Variants in KCND2 observed in about 807,000 individuals in gnomAD.
The protein encoded by KCND2 is A-type voltage-gated potassium channel KCND2.
KCND2 carries 16 observed loss-of-function variants against 54.4 expected under a neutral mutation model. That is an observed-to-expected ratio of 0.29 (90% CI 0.20 to 0.45). The LOEUF is 0.45. Among genes scored for constraint, KCND2 ranks in the 20% least tolerant of loss-of-function variants. The probability of loss-of-function intolerance (pLI) is 1.00; values close to 1 mark genes in which losing one functional copy is unlikely to be tolerated. For synonymous variants in KCND2, 317 were observed against 310.7 expected (o/e 1.02, Z -0.21); for missense variants, 486 against 824.2 (o/e 0.59, Z 5.02).
At chr7:120,552,038 A>T (rs918047205) in intron 1 of KCND2, among the ~76,000 whole-genome samples, 2 of 152,212 alleles carry the variant, frequency 1.3e-5, no homozygotes, top group African/African-American at 2.4e-5. Context: ...GGGAAATCAA[A>T]TGAATATATC....
intron 1 of KCND2, among the ~76,000 whole-genome samples, chr7:120,583,789 G>C (rs530362161): frequency 4.6e-4 from 68 of 149,436 alleles, no homozygotes; most frequent in East Asian, 3.1e-3. Context: ...AATTGTGGGG[G>C]GGGGGACAAA....
intron 1 of KCND2, among the ~76,000 whole-genome samples, chr7:120,584,279 C>G (rs973332792): frequency 6.6e-6 from 1 of 152,158 alleles, no homozygotes; most frequent in East Asian, 1.9e-4. Context: ...TGTCCCTAGG[C>G]CTGGGTCATT....
chr7:120,735,331 T>C (rs560427632), intron 2 of KCND2, among the ~76,000 whole-genome samples: 1 of 152,152 alleles, frequency 6.6e-6, no homozygotes, highest in South Asian at 2.1e-4. Flanking sequence ...ACGCTGCCCA[T>C]ACAGTACAGT....
At chr7:120,398,741 G>A (rs1408854496) in intron 1 of KCND2, among the ~76,000 whole-genome samples, 3 of 152,078 alleles carry the variant, frequency 2.0e-5, no homozygotes, top group African/African-American at 7.2e-5. Context: ...TTGCTAAGAA[G>A]TTCAGTAATT....
At chr7:120,337,179 G>A (rs1294171843) in intron 1 of KCND2, among the ~76,000 whole-genome samples, 4 of 151,856 alleles carry the variant, frequency 2.6e-5, no homozygotes, top group Admixed American at 2.6e-4. Flanking sequence ...GAAACAAGAG[G>A]AACTGGATAA....
intron 1 of KCND2, among the ~76,000 whole-genome samples, chr7:120,603,021 T>C (rs1792834111): frequency 6.6e-6 from 1 of 152,204 alleles, no homozygotes; most frequent in South Asian, 2.1e-4. Context: ...AAAAATATTA[T>C]GTAGCCAACT....
chr7:120,354,030 T>C (rs1393181908), intron 1 of KCND2, among the ~76,000 whole-genome samples: 1 of 152,192 alleles, frequency 6.6e-6, no homozygotes, highest in Non-Finnish European at 1.5e-5. Context: ...GAAATATACG[T>C]AGAGTACTTC....
intron 1 of KCND2, among the ~76,000 whole-genome samples, chr7:120,371,924 A>G (rs1275799087): frequency 1.3e-5 from 2 of 152,050 alleles, no homozygotes; most frequent in East Asian, 1.9e-4. Flanking sequence ...CTCAGAACGT[A>G]TCCCTGGTGT....
intron 1 of KCND2, among the ~76,000 whole-genome samples, chr7:120,621,020 A>C (rs972870380): frequency 6.6e-6 from 1 of 152,104 alleles, no homozygotes; most frequent in Admixed American, 6.5e-5. Flanking sequence ...CACACTTGTA[A>C]TCCCAGCACT....
chr7:120,543,471 A>G (rs1400170233), intron 1 of KCND2, among the ~76,000 whole-genome samples: 2 of 152,228 alleles, frequency 1.3e-5, no homozygotes, highest in African/African-American at 2.4e-5. Flanking sequence ...CACTTTACAG[A>G]TAAGAAAAAT....
At chr7:120,410,314 A>C (rs1801430373) in intron 1 of KCND2, among the ~76,000 whole-genome samples, 1 of 152,002 alleles carries the variant, frequency 6.6e-6, no homozygotes, top group Non-Finnish European at 1.5e-5. Flanking sequence ...TTTAAATGAA[A>C]TAATGTAATT....
intron 1 of KCND2, among the ~76,000 whole-genome samples, chr7:120,329,664 G>C (rs1800034638): frequency 6.6e-6 from 1 of 151,922 alleles, no homozygotes; most frequent in Non-Finnish European, 1.5e-5. Context: ...AGATTTTTTT[G>C]ACAATGAGGG....
At position 120,604,457 on chromosome 7, in the gene KCND2, C is replaced by T. The variant is rs574795404; in HGVS notation, c.1116-128446C>T. 3.3e-4 allele frequency among the ~76,000 whole-genome samples: 49 copies of T among 150,268 alleles called. No individual in the cohort carries two copies. The Middle Eastern group carries it at 0.011, about 32-fold the overall frequency. On this transcript the variant is annotated intron_variant, in intron 1 of 5. Coordinates refer to ENST00000331113, the MANE Select transcript of KCND2 (RefSeq NM_012281.3). ...AGTGGAGGTTGTAGTGAGCCGAGGT[C>T]GTACCACTGCACTCCAGCCTGGGTG... is the stretch of plus-strand genomic sequence containing the variant.
At chr7:120,498,915 G>A (rs943366550) in intron 1 of KCND2, among the ~76,000 whole-genome samples, 6 of 152,070 alleles carry the variant, frequency 3.9e-5, no homozygotes, top group Admixed American at 6.6e-5. Context: ...ATTTTGTTTA[G>A]GGAAAATGAA....
chr7:120,707,456 C>T (rs1346070677), intron 1 of KCND2, among the ~76,000 whole-genome samples: 1 of 152,080 alleles, frequency 6.6e-6, no homozygotes, highest in Non-Finnish European at 1.5e-5. Flanking sequence ...AACTTTCCCC[C>T]TTAGTCAGAT....
At chr7:120,616,665 A>G (rs1793029476) in intron 1 of KCND2, among the ~76,000 whole-genome samples, 1 of 152,214 alleles carries the variant, frequency 6.6e-6, no homozygotes, top group African/African-American at 2.4e-5. Context: ...TATAGAATAT[A>G]CTTTGCATCT....
chr7:120,473,343 G>GACA (rs2116264835), intron 1 of KCND2, among the ~76,000 whole-genome samples: 1 of 152,300 alleles, frequency 6.6e-6, no homozygotes, highest in South Asian at 2.1e-4. Flanking sequence ...TGTGTCTGGT[G>GACA]ACAGCAACAA....
At chr7:120,595,487 ATATATATATATG>A (rs1792729323) in intron 1 of KCND2, among the ~76,000 whole-genome samples, 1 of 144,168 alleles carries the variant, frequency 6.9e-6, no homozygotes, top group African/African-American at 2.5e-5. Context: ...ATATGTGTAT[ATATATATATATG>A]TGTGTGTGTG....
At chr7:120,428,741 A>G (rs908256845) in intron 1 of KCND2, among the ~76,000 whole-genome samples, 1 of 152,214 alleles carries the variant, frequency 6.6e-6, no homozygotes, top group Non-Finnish European at 1.5e-5. Context: ...TTATTAAAGT[A>G]ATCGAGTTCA....
Sources: gnomAD v4.1 joint callset for allele counts (sites outside exome capture counted in the v4.1 genomes callset) on GRCh38, gnomAD v4.1.1 for gene constraint, MANE v1.5 for transcripts, NCBI Gene and HGNC (gene_info 2026-07-23, HGNC 2026-07-21) for gene names.